The following KIAA1671 variants were observed in gnomAD, a reference collection of about 807,000 sequenced individuals.
The protein encoded by KIAA1671 is KIAA1671.
A neutral mutation model predicts 131.2 loss-of-function variants in KIAA1671; 52 were observed. That is an observed-to-expected ratio of 0.40 (90% CI 0.32 to 0.50). KIAA1671 has a LOEUF of 0.50. Ranked by LOEUF, KIAA1671 falls within the 20% of genes least tolerant of loss-of-function variation. The pLI is 0.73. For missense variants in KIAA1671, 2,360 were observed against 2,364.2 expected (o/e 1.00, Z 0.04); for synonymous variants, 1,003 against 961.6 (o/e 1.04, Z -0.80).
In KIAA1671 at chr22:25,019,050, TTGTGTGTGTGTGTGTGTG is replaced by T. The variant is rs377368958; in HGVS notation, c.-207-6557_-207-6540del. ...CTTCACATCCTCTCCAATAGTTGTT[TTGTGTGTGTGTGTGTGTG>T]TGTGTGTGTGTGTGTGTGTGTGTGT... On this transcript the variant is annotated intron_variant, in intron 1 of 12. Coordinates refer to ENST00000358431, the MANE Select transcript of KIAA1671 (RefSeq NM_001145206.2). 6.9e-5 allele frequency among the ~76,000 whole-genome samples: 10 copies of T among 144,220 alleles called. No homozygotes were observed. In the South Asian group the frequency reaches 9.0e-4, roughly 13 times the overall value. The allele number at this position is 144,220 out of a possible 152,430, so 94.6% of individuals were successfully genotyped here.
chr22:24,982,301 G>A (rs954717175), intron 1 of KIAA1671, among the ~76,000 whole-genome samples: 9 of 152,176 alleles, frequency 5.9e-5, no homozygotes, highest in African/African-American at 1.7e-4. Flanking sequence ...AATAAATGCC[G>A]CTTTCACTGC....
intron 6 of KIAA1671, among the ~76,000 whole-genome samples, chr22:25,143,227 A>G (rs1182818152): frequency 6.6e-6 from 1 of 152,242 alleles, no homozygotes; most frequent in Non-Finnish European, 1.5e-5. Context: ...CCTTGAAACA[A>G]GAAAACCAGC....
chr22:25,066,420 A>AT (rs1250517811), intron 6 of KIAA1671, among the ~76,000 whole-genome samples: 1 of 152,160 alleles, frequency 6.6e-6, no homozygotes, highest in African/African-American at 2.4e-5. Flanking sequence ...AAATGTTGGA[A>AT]TTACAGGGGT....
At chr22:25,169,656 G>A (rs374507211) in intron 6 of KIAA1671, among the ~76,000 whole-genome samples, 2 of 152,208 alleles carry the variant, frequency 1.3e-5, no homozygotes, top group East Asian at 3.9e-4. Flanking sequence ...ACAAATGAGG[G>A]AAGACAGCAG....
intron 6 of KIAA1671, among the ~76,000 whole-genome samples, chr22:25,066,439 A>G (rs1436580388): frequency 6.6e-6 from 1 of 152,142 alleles, no homozygotes; most frequent in African/African-American, 2.4e-5. Context: ...GTGAGCCACC[A>G]TGCCTGACCT....
At chr22:25,116,780 A>G (rs1255226285) in intron 6 of KIAA1671, among the ~76,000 whole-genome samples, 1 of 152,168 alleles carries the variant, frequency 6.6e-6, no homozygotes, top group Non-Finnish European at 1.5e-5. Flanking sequence ...AATGGCTGTG[A>G]ACGAAAGAGA....
chr22:24,990,074 G>A (rs1325093969), intron 1 of KIAA1671, among the ~76,000 whole-genome samples: 1 of 151,930 alleles, frequency 6.6e-6, no homozygotes, highest in East Asian at 1.9e-4. Flanking sequence ...TGAAATTTTG[G>A]CAAGGTGATT....
chr22:25,156,314 C>T (rs1468122651), intron 6 of KIAA1671, among the ~76,000 whole-genome samples: 4 of 151,702 alleles, frequency 2.6e-5, no homozygotes, highest in Admixed American at 1.3e-4. Flanking sequence ...CATGAGCCAC[C>T]GTGCCTGGCC....
chr22:25,142,931 G>GT (rs1343150056), intron 6 of KIAA1671, among the ~76,000 whole-genome samples: 1 of 152,250 alleles, frequency 6.6e-6, no homozygotes, highest in African/African-American at 2.4e-5. Flanking sequence ...TACCTGGGAA[G>GT]TAAGTGGGGA....
At position 25,028,168 on chromosome 22, in the gene KIAA1671, C is replaced by A; in HGVS notation, c.169C>A (p.Pro57Thr). The A allele has an allele frequency of 6.5e-7, 1 of 1,550,338 alleles. No individual in the cohort carries two copies. Among genetic ancestry groups the A allele is most frequent in the East Asian group, 2.4e-5 (1 of 40,880 alleles). Residue 57 changes from proline (P) to threonine (T), a missense_variant, in exon 3 of 13, where the codon CCG becomes ACG. Pro to Thr is a conservative substitution (Grantham distance 38, BLOSUM62 -1). Around this residue, in one of 3 missense-constraint regions of KIAA1671, gnomAD observed 1,185 missense variants for 1,126.2 expected, o/e 1.05. Transcript: ENST00000358431. Reference protein sequence around the residue: ...ILEAKSPLRSPARLLPLPRLA... With the variant: ...ILEAKSPLRSTARLLPLPRLA... ...GGAAGCGAAGAGCCCCCTGCGGAGC[C>A]CGGCCCGGTTACTCCCTCTGCCAAG...
intron 6 of KIAA1671, among the ~76,000 whole-genome samples, chr22:25,169,489 G>A (rs543843095): frequency 2.7e-5 from 4 of 150,894 alleles, no homozygotes; most frequent in South Asian, 2.1e-4. Context: ...AGCCAAGGCC[G>A]TCTGAGTCAT....
At chr22:25,126,867 G>C (rs2145937453) in intron 6 of KIAA1671, among the ~76,000 whole-genome samples, 1 of 152,338 alleles carries the variant, frequency 6.6e-6, no homozygotes, top group African/African-American at 2.4e-5. Context: ...GTAGTCAGCT[G>C]TGTAATATGT....
chr22:25,082,229 T>A lies in KIAA1671; in HGVS notation c.4530+32865T>A, dbSNP rs1014682802. On this transcript the variant is annotated intron_variant, in intron 6 of 12. Transcript: ENST00000358431. ...CACCACCCCCTCTGGGCCCAGCATC[T>A]TCTTTGTTGAAATGCATTAACTTAT... Among the ~76,000 whole-genome samples, 3 of 152,190 alleles carry A rather than the reference T, an allele frequency of 2.0e-5. No individual in the cohort carries two copies. The South Asian group carries it at 6.2e-4, about 32-fold the overall frequency.
chr22:25,160,329 C>T lies in KIAA1671; in HGVS notation c.4531-10491C>T, dbSNP rs1022160751. ...GCCCCTGTGGGTGGAGCCACAGAGC[C>T]GCAGCCCAGGTGGGCCCATCCAGCC... On this transcript the variant is annotated intron_variant, in intron 6 of 12. Coordinates refer to ENST00000358431, the MANE Select transcript of KIAA1671 (RefSeq NM_001145206.2). 3.3e-5 allele frequency among the ~76,000 whole-genome samples: 5 copies of T among 152,152 alleles called. No individual in the cohort carries two copies. The East Asian group carries it at 5.8e-4, about 18-fold the overall frequency.
intron 3 of KIAA1671, among the ~76,000 whole-genome samples, chr22:25,030,550 A>G (rs2145790725): frequency 6.6e-6 from 1 of 152,218 alleles, no homozygotes; most frequent in Admixed American, 6.5e-5. Context: ...AAAAACACCA[A>G]AAAACAAAAA....
intron 6 of KIAA1671, among the ~76,000 whole-genome samples, chr22:25,088,751 A>T (rs1054144871): frequency 5.3e-5 from 8 of 152,272 alleles, no homozygotes; most frequent in African/African-American, 1.9e-4. Context: ...ATCACCTCCA[A>T]TCTGCAGTCC....
intron 1 of KIAA1671, among the ~76,000 whole-genome samples, chr22:24,954,870 T>C (rs1369441394): frequency 2.0e-5 from 3 of 152,108 alleles, no homozygotes; most frequent in Non-Finnish European, 4.4e-5. Context: ...GACCTCTGCC[T>C]CCCGGGTTCA....
chr22:25,127,952 G>A (rs151052028), intron 6 of KIAA1671, among the ~76,000 whole-genome samples: 93 of 152,324 alleles, frequency 6.1e-4, no homozygotes, highest in South Asian at 1.9e-3. Context: ...GGATGGGGGT[G>A]GAGGAGGAGA....
intron 6 of KIAA1671, chr22:25,062,619 G>A (rs188714712): frequency 6.6e-6 from 1 of 152,420 alleles, no homozygotes; most frequent in Admixed American, 6.6e-5. Flanking sequence ...CATCTGCGTT[G>A]GTTGTATCAG....
Sources: allele counts gnomAD v4.1 joint callset (sites outside exome capture counted in the v4.1 genomes callset), GRCh38; gene constraint gnomAD v4.1.1; regional missense constraint gnomAD v4.1.1; transcripts MANE v1.5; gene names NCBI Gene and HGNC (gene_info 2026-07-23, HGNC 2026-07-21).